Variants in SLC2A13 observed in about 807,000 individuals in gnomAD.
The protein encoded by SLC2A13 is solute carrier family 2 member 13.
A neutral mutation model predicts 64.4 loss-of-function variants in SLC2A13; 32 were observed. The ratio of observed to expected loss-of-function variants is 0.50; its 90% CI spans 0.37 to 0.67. The LOEUF is 0.67. Among genes scored for constraint, SLC2A13 ranks in the 30% least tolerant of loss-of-function variants. The probability of loss-of-function intolerance (pLI) is 0.00; values close to 1 mark genes in which losing one functional copy is unlikely to be tolerated. For missense variants in SLC2A13, 743 were observed against 829.2 expected (o/e 0.90, Z 1.28); for synonymous variants, 338 against 327.1 (o/e 1.03, Z -0.36).
At chr12:39,837,511 G>T (rs1268688231) in intron 6 of SLC2A13, among the ~76,000 whole-genome samples, 4 of 140,732 alleles carry the variant, frequency 2.8e-5, no homozygotes, top group Non-Finnish European at 6.2e-5. Flanking sequence ...AAACTAAAGA[G>T]CTTCTGCACA....
intron 4 of SLC2A13, among the ~76,000 whole-genome samples, chr12:39,915,695 AG>A (rs753684511): frequency 2.6e-5 from 4 of 151,960 alleles, no homozygotes; most frequent in Non-Finnish European, 5.9e-5. Context: ...ACAAAAGTTT[AG>A]GGTTAAAAAT....
At chr12:40,103,409 T>C (rs1939207346) in intron 1 of SLC2A13, among the ~76,000 whole-genome samples, 1 of 152,214 alleles carries the variant, frequency 6.6e-6, no homozygotes, top group South Asian at 2.1e-4. Context: ...ATAACCTATC[T>C]TATAAAGCTT....
At chr12:39,879,379 G>A (rs1944285418) in intron 4 of SLC2A13, among the ~76,000 whole-genome samples, 2 of 152,326 alleles carry the variant, frequency 1.3e-5, no homozygotes, top group East Asian at 3.9e-4. Context: ...GTCTGGAAAA[G>A]CCATAGGCAT....
At chr12:39,994,425 C>T (rs1947193424) in intron 3 of SLC2A13, among the ~76,000 whole-genome samples, 1 of 151,226 alleles carries the variant, frequency 6.6e-6, no homozygotes, top group South Asian at 2.1e-4. Context: ...ACACTTCAAG[C>T]TGTATTTTGA....
chr12:39,913,618 C>A (rs916569978), intron 4 of SLC2A13, among the ~76,000 whole-genome samples: 2 of 151,188 alleles, frequency 1.3e-5, no homozygotes, highest in Non-Finnish European at 2.9e-5. Flanking sequence ...TATTAAGTAG[C>A]AATTTAAATA....
At chr12:39,935,813 C>T (rs17560847) in intron 4 of SLC2A13, among the ~76,000 whole-genome samples, 45,195 of 152,016 alleles carry the variant, frequency 0.3, 7,587 homozygotes, top group Non-Finnish European at 0.39. Context: ...TAGCTTTAAT[C>T]ATTGCCAGAA....
At chr12:39,968,405 C>T (rs1411703973) in intron 3 of SLC2A13, among the ~76,000 whole-genome samples, 4 of 152,082 alleles carry the variant, frequency 2.6e-5, no homozygotes, top group African/African-American at 9.7e-5. Flanking sequence ...ATGGGAACTA[C>T]AATTCAAGAT....
chr12:40,009,800 A>C (rs534907357), intron 3 of SLC2A13, among the ~76,000 whole-genome samples: 5 of 152,356 alleles, frequency 3.3e-5, no homozygotes, highest in African/African-American at 1.2e-4. Flanking sequence ...ATGTAGAGAC[A>C]TGGGTCCTAA....
intron 6 of SLC2A13, among the ~76,000 whole-genome samples, chr12:39,857,769 T>C (rs1212638923): frequency 2.0e-5 from 3 of 152,234 alleles, no homozygotes; most frequent in Non-Finnish European, 4.4e-5. Flanking sequence ...GGTGCCATTC[T>C]CTTGCTTGCT....
At chr12:40,101,329 T>C (rs568081561) in intron 1 of SLC2A13, among the ~76,000 whole-genome samples, 2 of 152,334 alleles carry the variant, frequency 1.3e-5, no homozygotes, top group South Asian at 4.1e-4. Context: ...TCTTTTACTA[T>C]ACAATTCATT....
chr12:40,088,649 T>C (rs547279612), intron 1 of SLC2A13, among the ~76,000 whole-genome samples: 4 of 152,282 alleles, frequency 2.6e-5, no homozygotes, highest in Non-Finnish European at 2.9e-5. Context: ...TCAATAAACA[T>C]GGTAAGACTT....
At chr12:39,955,883 G>A (rs894262263) in intron 3 of SLC2A13, among the ~76,000 whole-genome samples, 1 of 152,048 alleles carries the variant, frequency 6.6e-6, no homozygotes, top group Non-Finnish European at 1.5e-5. Context: ...CTCTGGAGGG[G>A]GTGTGGGACA....
At chr12:40,055,152 C>T (rs1010284886) in intron 1 of SLC2A13, among the ~76,000 whole-genome samples, 7 of 152,092 alleles carry the variant, frequency 4.6e-5, no homozygotes, top group African/African-American at 1.4e-4. Flanking sequence ...TCAGTTTCTA[C>T]TTTTTTCTAA....
intron 7 of SLC2A13, among the ~76,000 whole-genome samples, chr12:39,799,453 G>T (rs577452419): frequency 1.6e-5 from 1 of 63,428 alleles, no homozygotes; most frequent in Non-Finnish European, 4.5e-5. Context: ...TCTACACGGC[G>T]CACTTTTACA....
At chr12:39,945,621 C>A (rs1365832412) in intron 4 of SLC2A13, among the ~76,000 whole-genome samples, 1 of 151,750 alleles carries the variant, frequency 6.6e-6, no homozygotes, top group Non-Finnish European at 1.5e-5. Flanking sequence ...GAATTTCTTT[C>A]TTCTACTTGT....
chr12:39,844,921 A>C (rs1943267712), intron 6 of SLC2A13, among the ~76,000 whole-genome samples: 1 of 152,082 alleles, frequency 6.6e-6, no homozygotes, highest in East Asian at 1.9e-4. Flanking sequence ...TTTTAGATCA[A>C]TTGAATTTAA....
intron 4 of SLC2A13, among the ~76,000 whole-genome samples, chr12:39,925,512 T>C (rs187379296): frequency 1.3e-5 from 2 of 152,312 alleles, no homozygotes; most frequent in Admixed American, 1.3e-4. Flanking sequence ...CAGTTGTGCA[T>C]ATATAACAAT....
intron 4 of SLC2A13, among the ~76,000 whole-genome samples, chr12:39,898,931 T>G (rs950189002): frequency 1.3e-5 from 2 of 152,160 alleles, no homozygotes; most frequent in Admixed American, 6.6e-5. Context: ...AGAAGAGTGA[T>G]CTAAAATTCT....
At chr12:39,768,721 A>G (rs1358436196) in intron 7 of SLC2A13, among the ~76,000 whole-genome samples, 1 of 152,096 alleles carries the variant, frequency 6.6e-6, no homozygotes, top group African/African-American at 2.4e-5. Context: ...CAATAGTAAC[A>G]TTAAAGATCA....
Sources: gnomAD v4.1 joint callset for allele counts (sites outside exome capture counted in the v4.1 genomes callset) on GRCh38, gnomAD v4.1.1 for gene constraint, MANE v1.5 for transcripts, NCBI Gene and HGNC (gene_info 2026-07-23, HGNC 2026-07-21) for gene names.